The following ELAPOR1 variants were observed in gnomAD, a reference collection of about 807,000 sequenced individuals.
ELAPOR1 encodes the protein endosome/lysosome-associated apoptosis and autophagy regulator 1.
In ELAPOR1, 77 loss-of-function variants were observed where a neutral mutation model predicts 119.7. The ratio of observed to expected loss-of-function variants is 0.64; its 90% CI spans 0.54 to 0.78. The LOEUF is 0.78. ELAPOR1 is among the 30% of genes least tolerant of loss of function. ELAPOR1 has a pLI of 0.00. For missense variants in ELAPOR1, 1,115 were observed against 1,270.4 expected (o/e 0.88, Z 1.86); for synonymous variants, 481 against 487.2 (o/e 0.99, Z 0.17).
Position 109,171,940 on chromosome 1 carries a change from T to C in ELAPOR1, c.542T>C (p.Val181Ala), listed in dbSNP as rs769218395. 1.2e-6 allele frequency: 2 copies of C among 1,614,168 alleles called. No homozygotes were observed. Among genetic ancestry groups the C allele is most frequent in the East Asian group, 2.2e-5 (1 of 44,874 alleles). The change falls in exon 4 of 22, where the codon GTC becomes GCC. Residue 181 changes from valine (V) to alanine (A), a missense_variant. Coordinates refer to ENST00000369939, the MANE Select transcript of ELAPOR1 (RefSeq NM_020775.5). ...DECTATLMYA[V>A]NLKQSGTVNF... ...TGCACAGCCACACTGATGTACGCCG[T>C]CAACCTGAAGCAATCTGGCACCGTT...
Position 109,188,297 on chromosome 1 carries a change from A to C in ELAPOR1, c.1162A>C (p.Lys388Gln). The change falls in exon 9 of 22, where the codon AAA becomes CAA. Residue 388 changes from lysine (K) to glutamine (Q), a missense_variant. Physicochemically the swap from Lys to Gln is moderately conservative, Grantham distance 53. Transcript: ENST00000369939. ...HCPPCNPGFF[K>Q]TNNSTCQPCP... ...CCCACCCTGCAACCCAGGCTTCTTC[A>C]AAACCAACAACAGCACCTGCCAGCC... 6.2e-7 allele frequency: 1 copy of C among 1,614,192 alleles called. No homozygotes were observed. Among genetic ancestry groups the C allele is most frequent in the Non-Finnish European group, 8.5e-7 (1 of 1,180,008 alleles).
In ELAPOR1 at chr1:109,187,460, T is replaced by G. The variant is rs61208069; in HGVS notation, c.1042-717T>G. 2.6e-3 allele frequency: 2,632 copies of G among 998,252 alleles called. 29 individuals are homozygous for G. In the South Asian group the frequency reaches 0.039, roughly 15 times the overall value. 61.8% of individuals were successfully genotyped at this position (998,252 alleles called of 1,614,324 possible). A position where few individuals can be genotyped will look rare whatever the true frequency, so the allele number is the denominator to read the frequency against. On this transcript the variant is annotated intron_variant, in intron 8 of 21. Coordinates refer to ENST00000369939, the MANE Select transcript of ELAPOR1 (RefSeq NM_020775.5). The stretch of plus-strand genomic sequence containing the variant: ...GACAGAGGCCTTATTCATCCTTCTT[T>G]TCATATGTATGGTATCTGCACAGAT...
chr1:109,131,130 A>G lies in ELAPOR1; in HGVS notation c.153+16794A>G, dbSNP rs541352030. ...CCAAAAGCTTGTTTGGAACTTGAAG[A>G]TCCAGTTCCAAGATGGTTCACTCAC... On this transcript the variant is annotated intron_variant, in intron 1 of 21. Transcript: ENST00000369939. Among the ~76,000 whole-genome samples, 14 of 152,284 alleles carry G rather than the reference A, an allele frequency of 9.2e-5. No individual in the cohort carries two copies. In the South Asian group the frequency reaches 2.9e-3, roughly 32 times the overall value.
intron 1 of ELAPOR1, among the ~76,000 whole-genome samples, chr1:109,161,428 A>G (rs988670358): frequency 4.0e-5 from 6 of 151,458 alleles, no homozygotes; most frequent in African/African-American, 1.2e-4. Flanking sequence ...AAAAAAAAAA[A>G]AAAAAGAAAC....
intron 8 of ELAPOR1, chr1:109,186,607 C>T: frequency 1.0e-6 from 1 of 985,468 alleles, no homozygotes; most frequent in Non-Finnish European, 1.2e-6. Context: ...TTGTCAGTTG[C>T]ACCTTAGACT....
At chr1:109,131,061 T>C (rs902803863) in intron 1 of ELAPOR1, among the ~76,000 whole-genome samples, 7 of 152,196 alleles carry the variant, frequency 4.6e-5, no homozygotes, top group African/African-American at 1.4e-4. Flanking sequence ...GCTCAGAGTC[T>C]CTTAGGAGGT....
intron 1 of ELAPOR1, among the ~76,000 whole-genome samples, chr1:109,147,410 C>G (rs1650241314): frequency 6.6e-6 from 1 of 152,074 alleles, no homozygotes; most frequent in Non-Finnish European, 1.5e-5. Flanking sequence ...TTGGAGACAG[C>G]AGAAGGATCA....
chr1:109,131,883 T>C (rs1314158644), intron 1 of ELAPOR1, among the ~76,000 whole-genome samples: 1 of 151,806 alleles, frequency 6.6e-6, no homozygotes, highest in Non-Finnish European at 1.5e-5. Flanking sequence ...GACTTGTAGG[T>C]GGGAATGTCA....
At chr1:109,127,829 G>T (rs1420760575) in intron 1 of ELAPOR1, among the ~76,000 whole-genome samples, 1 of 151,418 alleles carries the variant, frequency 6.6e-6, no homozygotes, top group African/African-American at 2.4e-5. Flanking sequence ...CTTCCAAAGT[G>T]GTGGGATTGC....
chr1:109,197,427 G>T, intron 15 of ELAPOR1, 47 bp from the exon 16 acceptor site: 2 of 1,562,720 alleles, frequency 1.3e-6, no homozygotes, highest in Non-Finnish European at 1.8e-6. Flanking sequence ...GAATTCCTCT[G>T]TGACCACTCA....
Position 109,192,778 on chromosome 1 carries a change from C to T in ELAPOR1, c.1851C>T (p.Thr617=). 2 of 1,614,048 alleles carry T rather than the reference C, an allele frequency of 1.2e-6. No individual in the cohort carries two copies. Among genetic ancestry groups the T allele is most frequent in the Non-Finnish European group, 1.7e-6 (2 of 1,179,996 alleles). The change falls in exon 14 of 22, where the codon ACC becomes ACT. Residue 617 remains threonine, a synonymous_variant. Transcript: ENST00000369939. ...AGYYIDRDSG[T]CHSCPTNTIL... ...ACTATATTGACCGAGATTCAGGAACCTGCCACTCCTGCCCCACTAACACAA... is the reference window on the plus strand; with the variant it reads ...ACTATATTGACCGAGATTCAGGAACTTGCCACTCCTGCCCCACTAACACAA...
chr1:109,158,606 G>C (rs1378883503), intron 1 of ELAPOR1, among the ~76,000 whole-genome samples: 1 of 152,108 alleles, frequency 6.6e-6, no homozygotes, highest in Non-Finnish European at 1.5e-5. Context: ...AGCACCCACT[G>C]CCTGCTGTGT....
chr1:109,195,935 C>T (rs943055773), intron 15 of ELAPOR1, among the ~76,000 whole-genome samples: 2 of 152,190 alleles, frequency 1.3e-5, no homozygotes, highest in Non-Finnish European at 2.9e-5. Flanking sequence ...GCAGGCAGAT[C>T]ACCTGAGGTC....
chr1:109,161,409 CA>C (rs59573644), intron 1 of ELAPOR1, among the ~76,000 whole-genome samples: 14,018 of 56,260 alleles, frequency 0.25, 221 homozygotes, highest in Non-Finnish European at 0.3. Context: ...GACTCCGTCT[CA>C]AAAAAAAAAA....
intron 20 of ELAPOR1, 62 bp from the exon 21 acceptor site, chr1:109,200,669 CTCTA>C: frequency 6.6e-7 from 1 of 1,509,900 alleles, no homozygotes; most frequent in Middle Eastern, 1.7e-4. Context: ...AGCCTAACCT[CTCTA>C]CCTCTTTCCC....
chr1:109,136,453 C>T (rs1649474228), intron 1 of ELAPOR1, among the ~76,000 whole-genome samples: 1 of 152,154 alleles, frequency 6.6e-6, no homozygotes. Context: ...CCTGCCAACA[C>T]CTTGATTTTG....
chr1:109,125,859 A>C (rs1347167471), intron 1 of ELAPOR1, among the ~76,000 whole-genome samples: 1 of 152,222 alleles, frequency 6.6e-6, no homozygotes, highest in African/African-American at 2.4e-5. Flanking sequence ...GTTTTAATTT[A>C]TTCACAGAAA....
At chr1:109,169,899 A>G (rs1375051060) in intron 3 of ELAPOR1, among the ~76,000 whole-genome samples, 1 of 152,230 alleles carries the variant, frequency 6.6e-6, no homozygotes, top group Non-Finnish European at 1.5e-5. Context: ...AACACAGCAG[A>G]ATGTGCACAT....
At position 109,203,145 on chromosome 1, in the gene ELAPOR1, T is replaced by C. The variant is rs763645702; in HGVS notation, c.*133T>C. 6 of 627,986 alleles carry C rather than the reference T, an allele frequency of 9.6e-6. No individual in the cohort carries two copies. The highest frequency in any genetic ancestry group is 1.7e-5 in the Non-Finnish European group (6 of 356,096). The allele number at this position is 627,986 out of a possible 1,614,324, so 38.9% of individuals were successfully genotyped here. A position where few individuals can be genotyped will look rare whatever the true frequency, so the allele number is the denominator to read the frequency against. On this transcript the variant is annotated 3_prime_UTR_variant, in exon 22 of 22. Coordinates refer to ENST00000369939, the MANE Select transcript of ELAPOR1 (RefSeq NM_020775.5). ...ATTGTGGCCTTATCAGATGTTTGAA[T>C]TTCAGATCTTTTTTTATAGAGTACC...
Sources: gnomAD v4.1 joint callset for allele counts (sites outside exome capture counted in the v4.1 genomes callset) on GRCh38, gnomAD v4.1.1 for gene constraint, MANE v1.5 for transcripts, NCBI Gene and HGNC (gene_info 2026-07-23, HGNC 2026-07-21) for gene names.